VPS13B: variants seen among roughly 807,000 people sequenced by gnomAD.
VPS13B encodes vacuolar protein sorting 13 homolog B.
A neutral mutation model predicts 426.4 loss-of-function variants in VPS13B; 285 were observed. That is an observed-to-expected ratio of 0.67 (90% confidence interval 0.61 to 0.74). The LOEUF is 0.74. Ranked by LOEUF, VPS13B falls within the 30% of genes least tolerant of loss-of-function variation. The pLI is 0.00. For synonymous variants in VPS13B, 1,676 were observed against 1,676.4 expected, an observed-to-expected ratio of 1.00 and a Z score of 0.01; for missense variants, 4,537 against 4,782.6, an observed-to-expected ratio of 0.95 and a Z score of 1.51.
rs748588048 is a variant in VPS13B, at chr8:99,776,892, C to T, written c.7365C>T (p.Cys2455=). The T allele has an allele frequency of 9.3e-6, 15 of 1,613,942 alleles. No individual in the cohort carries two copies. The highest frequency in any genetic ancestry group is 1.6e-4 in the Middle Eastern group (1 of 6,084). ...CFTPWFVPSL[C]VSFQFAHLEF... ...CCCCATGGTTTGTCCCATCCCTTTG[C>T]GTTTCTTTCCAGTTTGCTCACCTGG... Residue 2455 remains cysteine, a synonymous_variant, in exon 41 of 62, where the codon TGC becomes TGT. Transcript: ENST00000357162.
chr8:99,691,155 A>G (rs1831637903), intron 35 of VPS13B, among the ~76,000 whole-genome samples: 1 of 152,144 alleles, frequency 6.6e-6, no homozygotes, highest in African/African-American at 2.4e-5. Context: ...TGTCCTGAAT[A>G]GGCAAATCTA....
At position 99,510,188 on chromosome 8, in the gene VPS13B, G is replaced by T. The variant is rs529405298; in HGVS notation, c.4225-916G>T. 2.8e-4 allele frequency among the ~76,000 whole-genome samples: 43 copies of T among 152,300 alleles called. No homozygotes were observed. The South Asian group carries it at 8.5e-3, about 30-fold the overall frequency. Reference sequence around the variant, plus strand: ...CATCACATTACTGTTTAAATATGCAGTAACTGTTTATTTAGTTCAGTTATC... The same window carrying T: ...CATCACATTACTGTTTAAATATGCATTAACTGTTTATTTAGTTCAGTTATC... On this transcript the variant is annotated intron_variant, in intron 28 of 61. Coordinates refer to ENST00000357162, the MANE Select transcript of VPS13B (RefSeq NM_152564.5).
rs1817487710 is a variant in VPS13B at position 99,872,689 on chromosome 8, G to A, written c.11745+992G>A. Among the ~76,000 whole-genome samples the A allele has an allele frequency of 2.0e-5, 3 of 152,228 alleles. No individual in the cohort carries two copies. In the South Asian group the frequency reaches 6.2e-4, roughly 32 times the overall value. On this transcript the variant is annotated intron_variant, in intron 61 of 61. Transcript: ENST00000357162. ...CACACAGCAAGATAGTGGTGGATCA[G>A]TGGCAAACTGGAGTCTGCTGGCCCT...
chr8:99,367,661 C>T (rs997239717), intron 19 of VPS13B, among the ~76,000 whole-genome samples: 1 of 152,130 alleles, frequency 6.6e-6, no homozygotes, highest in Non-Finnish European at 1.5e-5. Context: ...TTTTCTAGAT[C>T]TTGTAGATAG....
At chr8:99,662,552 T>C (rs894844199) in intron 35 of VPS13B, among the ~76,000 whole-genome samples, 1 of 152,152 alleles carries the variant, frequency 6.6e-6, no homozygotes, top group African/African-American at 2.4e-5. Context: ...GCTCCAGCAA[T>C]TCTCCTGCTT....
intron 56 of VPS13B, among the ~76,000 whole-genome samples, chr8:99,858,824 C>T (rs575009210): frequency 1.8e-4 from 28 of 152,298 alleles, no homozygotes; most frequent in African/African-American, 6.0e-4. Flanking sequence ...AAAAACAACC[C>T]CTCCATTCTT....
intron 30 of VPS13B, among the ~76,000 whole-genome samples, chr8:99,532,918 C>T (rs1823003136): frequency 6.7e-6 from 1 of 148,158 alleles, no homozygotes; most frequent in African/African-American, 2.5e-5. Context: ...TTTTTAAATG[C>T]ATAATCAATT....
Position 99,821,361 on chromosome 8 carries a change from T to C in VPS13B, c.9062T>C (p.Leu3021Pro), listed in dbSNP as rs1438344336. 1 of 1,613,762 alleles carries C rather than the reference T, an allele frequency of 6.2e-7. No homozygotes were observed. Among genetic ancestry groups the C allele is most frequent in the African/African-American group, 1.3e-5 (1 of 74,918 alleles). Reference protein sequence around the residue: ...NTVHKSVAIKLVHNLTSPKWK... With the variant: ...NTVHKSVAIKPVHNLTSPKWK... ...GTGCACAAGTCAGTAGCAATTAAAC[T>C]GGTCCATAACCTGACATCTCCAAAG... Residue 3021 changes from leucine to proline, a missense_variant, in exon 50 of 62, where the codon CTG (leucine) becomes CCG (proline). Around this residue, in one of 2 missense-constraint regions of VPS13B, gnomAD observed 4,311 missense variants for 4,474.3 expected, o/e 0.96. Coordinates refer to ENST00000357162, the MANE Select transcript of VPS13B (RefSeq NM_152564.5).
intron 29 of VPS13B, 129 bp downstream of exon 29, chr8:99,511,641 A>T: frequency 1.1e-6 from 1 of 899,236 alleles, no homozygotes; most frequent in Admixed American, 2.9e-5. Context: ...GGTATATTTT[A>T]TAGAGAGGAA....
intron 19 of VPS13B, among the ~76,000 whole-genome samples, chr8:99,303,510 A>G (rs1820480385): frequency 6.6e-6 from 1 of 151,576 alleles, no homozygotes. Flanking sequence ...TTCTAGATTC[A>G]GTAAAATTCC....
At chr8:99,299,633 C>T (rs191969991) in intron 19 of VPS13B, among the ~76,000 whole-genome samples, 1 of 151,638 alleles carries the variant, frequency 6.6e-6, no homozygotes, top group East Asian at 2.0e-4. Context: ...TAAATTTGGC[C>T]AGGCACGGTG....
intron 37 of VPS13B, 145 bp from the exon 38 acceptor site, chr8:99,720,200 C>A: frequency 1.5e-6 from 1 of 679,654 alleles, no homozygotes; most frequent in South Asian, 2.0e-5. Context: ...TCCTGTAAGT[C>A]AATTACTTTT....
chr8:99,691,396 G>T lies in VPS13B; in HGVS notation c.6047-8129G>T, dbSNP rs1267292664. Reference sequence around the variant, plus strand: ...TGGCATGTGAGTTATATGTCAATAAGGTGTTTTAAAAAATAATTCCTTTAC... The same window carrying T: ...TGGCATGTGAGTTATATGTCAATAATGTGTTTTAAAAAATAATTCCTTTAC... On this transcript the variant is annotated intron_variant, in intron 35 of 61. Transcript: ENST00000357162. 2.0e-5 allele frequency among the ~76,000 whole-genome samples: 3 copies of T among 151,946 alleles called. No homozygotes were observed. In the East Asian group the frequency reaches 5.8e-4, roughly 29 times the overall value.
At chr8:99,741,776 T>C (rs1293754532) in intron 39 of VPS13B, among the ~76,000 whole-genome samples, 4 of 151,992 alleles carry the variant, frequency 2.6e-5, no homozygotes, top group South Asian at 2.1e-4. Context: ...TTGAAACCAA[T>C]GAGAACAAAG....
At chr8:99,659,452 G>A (rs1336464449) in intron 34 of VPS13B, among the ~76,000 whole-genome samples, 1 of 151,942 alleles carries the variant, frequency 6.6e-6, no homozygotes, top group African/African-American at 2.4e-5. Flanking sequence ...AAAGTTTTGT[G>A]TGGTCATATA....
At position 99,511,847 on chromosome 8, in the gene VPS13B, T is replaced by A. The variant is rs6998028; in HGVS notation, c.4633+335T>A. Among the ~76,000 whole-genome samples, 1,269 of 152,216 alleles carry A rather than the reference T, an allele frequency of 8.3e-3. 16 individuals carry two copies. The highest frequency in any genetic ancestry group is 0.029 in the African/African-American group (1,193 of 41,548). ...TATCTAAGAGAACTAAAATTTTTTT[T>A]AAAAACAAGGTCAAGCACAGTGGCT... is the stretch of plus-strand genomic sequence containing the variant. On this transcript the variant is annotated intron_variant, in intron 29 of 61. Coordinates refer to ENST00000357162, the MANE Select transcript of VPS13B (RefSeq NM_152564.5).
At chr8:99,618,324 C>T (rs1238945403) in intron 33 of VPS13B, among the ~76,000 whole-genome samples, 3 of 150,064 alleles carry the variant, frequency 2.0e-5, no homozygotes, top group Non-Finnish European at 4.4e-5. Flanking sequence ...TTTCTCAGAG[C>T]AATCCCAGGA....
At chr8:99,710,010 C>G (rs1250396872) in intron 36 of VPS13B, among the ~76,000 whole-genome samples, 1 of 152,136 alleles carries the variant, frequency 6.6e-6, no homozygotes, top group Non-Finnish European at 1.5e-5. Context: ...GGGTAAGTAA[C>G]TTTAATAATA....
In VPS13B at chr8:99,164,941, C is replaced by T. The variant is rs974071358; in HGVS notation, c.2209-5098C>T. Among the ~76,000 whole-genome samples the T allele has an allele frequency of 5.9e-5, 9 of 152,138 alleles. No individual in the cohort carries two copies. In the East Asian group the frequency reaches 1.7e-3, roughly 29 times the overall value. On this transcript the variant is annotated intron_variant, in intron 15 of 61. Coordinates refer to ENST00000357162, the MANE Select transcript of VPS13B (RefSeq NM_152564.5). ...TGCTGCTGTTCTCCCCTCTCCTTCC[C>T]GTTTTGATGGCTTTGTCAGTGTAAG...
Sources: allele counts gnomAD v4.1 joint callset (sites outside exome capture counted in the v4.1 genomes callset), GRCh38; gene constraint gnomAD v4.1.1; regional missense constraint gnomAD v4.1.1; transcripts MANE v1.5; gene names NCBI Gene and HGNC (gene_info 2026-07-23, HGNC 2026-07-21).